Variants in WWOX observed in about 807,000 individuals in gnomAD.
WWOX encodes the protein WW domain containing oxidoreductase, also known as WW domain-containing oxidoreductase.
A neutral mutation model predicts 46.2 loss-of-function variants in WWOX; 69 were observed. The observed-to-expected ratio is 1.49, with a 90% CI of 1.23 to 1.82. The LOEUF is 1.82. Among genes scored for constraint, WWOX ranks in the 40% most tolerant of loss-of-function variants. The probability of loss-of-function intolerance (pLI) is 0.00; values close to 1 mark genes in which losing one functional copy is unlikely to be tolerated. For synonymous variants in WWOX, 359 were observed against 202.6 expected (o/e 1.77, Z -6.56); for missense variants, 919 against 542.6 (o/e 1.69, Z -6.89).
intron 8 of WWOX, among the ~76,000 whole-genome samples, chr16:78,668,575 C>G (rs1208815151): frequency 2.0e-5 from 3 of 152,006 alleles, no homozygotes; most frequent in Non-Finnish European, 4.4e-5. Context: ...ACAAAGTTAC[C>G]AAGAGAGGTA....
At chr16:79,158,869 A>G (rs2050431896) in intron 8 of WWOX, among the ~76,000 whole-genome samples, 1 of 152,220 alleles carries the variant, frequency 6.6e-6, no homozygotes, top group Admixed American at 6.5e-5. Context: ...GTTTGTGACA[A>G]CAAGGACCTA....
intron 8 of WWOX, among the ~76,000 whole-genome samples, chr16:78,906,389 A>G (rs2044965135): frequency 6.6e-6 from 1 of 152,100 alleles, no homozygotes; most frequent in Admixed American, 6.6e-5. Flanking sequence ...CCTGATAAGG[A>G]TTTCCTCTCC....
chr16:79,109,038 C>T (rs1019664362), intron 8 of WWOX, among the ~76,000 whole-genome samples: 6 of 152,042 alleles, frequency 3.9e-5, no homozygotes, highest in Admixed American at 3.9e-4. Context: ...AGATCATCAC[C>T]TGTGTGAGTG....
intron 8 of WWOX, among the ~76,000 whole-genome samples, chr16:78,990,952 G>T (rs77324963): frequency 6.6e-6 from 1 of 152,234 alleles, no homozygotes; most frequent in Non-Finnish European, 1.5e-5. Context: ...CCGACCTCCA[G>T]GGGAGCTTGT....
At chr16:79,117,085 G>C (rs983837457) in intron 8 of WWOX, among the ~76,000 whole-genome samples, 11 of 152,028 alleles carry the variant, frequency 7.2e-5, no homozygotes, top group Admixed American at 2.6e-4. Context: ...AGCCTGGTCT[G>C]GAATGCACTG....
intron 8 of WWOX, among the ~76,000 whole-genome samples, chr16:78,570,840 G>A (rs183493954): frequency 3.9e-5 from 6 of 152,268 alleles, no homozygotes; most frequent in East Asian, 1.9e-4. Context: ...GGGAGAAGGC[G>A]GGCGGGGCAA....
At chr16:79,185,523 T>C (rs2050996102) in intron 8 of WWOX, among the ~76,000 whole-genome samples, 1 of 152,102 alleles carries the variant, frequency 6.6e-6, no homozygotes, top group African/African-American at 2.4e-5. Context: ...CCAGCCAAGA[T>C]CCATTTGTCA....
chr16:78,312,366 G>C lies in WWOX; in HGVS notation c.517-74494G>C, dbSNP rs1597468229. Among the ~76,000 whole-genome samples, 5 of 138,424 alleles carry C rather than the reference G, an allele frequency of 3.6e-5. No homozygotes were observed. In the Admixed American group the frequency reaches 3.8e-4, roughly 10 times the overall value. 90.8% of individuals were successfully genotyped at this position (138,424 alleles called of 152,430 possible). A position where few individuals can be genotyped will look rare whatever the true frequency, so the allele number is the denominator to read the frequency against. On this transcript the variant is annotated intron_variant, in intron 5 of 8. Coordinates refer to ENST00000566780, the MANE Select transcript of WWOX (RefSeq NM_016373.4). Reference sequence around the variant, plus strand: ...TATTGCTAGTGAGTGGCCAGCTGGAGTTGTAGGTCTAATTCTTTTTTTTTT... The same window carrying C: ...TATTGCTAGTGAGTGGCCAGCTGGACTTGTAGGTCTAATTCTTTTTTTTTT...
chr16:78,763,149 C>T (rs1303587462), intron 8 of WWOX, among the ~76,000 whole-genome samples: 5 of 152,196 alleles, frequency 3.3e-5, no homozygotes, highest in African/African-American at 4.8e-5. Flanking sequence ...GTACTGAAAG[C>T]GTTACAGTCA....
chr16:78,410,931 G>C (rs531371120), intron 6 of WWOX, among the ~76,000 whole-genome samples: 4 of 151,978 alleles, frequency 2.6e-5, no homozygotes, highest in Non-Finnish European at 4.4e-5. Flanking sequence ...TAAACTGAAA[G>C]CTATAATTCC....
chr16:78,389,279 C>T (rs1218277429), intron 6 of WWOX, among the ~76,000 whole-genome samples: 1 of 152,196 alleles, frequency 6.6e-6, no homozygotes, highest in Non-Finnish European at 1.5e-5. Context: ...CTTCGTCATT[C>T]ATTTATCCAC....
chr16:78,507,251 A>G (rs8056971), intron 8 of WWOX, among the ~76,000 whole-genome samples: 9,011 of 152,312 alleles, frequency 0.059, 911 homozygotes, highest in African/African-American at 0.21. Context: ...ATAAACGTAA[A>G]TAAGAATTTT....
intron 8 of WWOX, among the ~76,000 whole-genome samples, chr16:78,703,266 T>G (rs1434806410): frequency 6.6e-6 from 1 of 152,190 alleles, no homozygotes; most frequent in African/African-American, 2.4e-5. Context: ...CCCATCTACC[T>G]TGTTTCTCTC....
At chr16:78,921,184 G>C (rs934601655) in intron 8 of WWOX, among the ~76,000 whole-genome samples, 3 of 152,138 alleles carry the variant, frequency 2.0e-5, no homozygotes, top group Non-Finnish European at 4.4e-5. Context: ...ACACTGTAAT[G>C]AGGGTATTCA....
chr16:78,368,580 A>G (rs2081593134), intron 5 of WWOX, among the ~76,000 whole-genome samples: 1 of 152,228 alleles, frequency 6.6e-6, no homozygotes, highest in Non-Finnish European at 1.5e-5. Flanking sequence ...GCTGCTGTTC[A>G]TAAATATTGA....
intron 8 of WWOX, among the ~76,000 whole-genome samples, chr16:79,095,899 C>T (rs758383560): frequency 7.6e-6 from 1 of 132,038 alleles, no homozygotes; most frequent in South Asian, 2.5e-4. Context: ...GAGTCTTGCT[C>T]TGTTGTTTAG....
intron 5 of WWOX, among the ~76,000 whole-genome samples, chr16:78,320,023 TATC>T (rs2080433923): frequency 6.6e-6 from 1 of 152,234 alleles, no homozygotes; most frequent in African/African-American, 2.4e-5. Flanking sequence ...TCTTAGCACT[TATC>T]ATGCTGTATG....
At chr16:79,199,766 C>T (rs928498137) in intron 8 of WWOX, among the ~76,000 whole-genome samples, 1 of 152,136 alleles carries the variant, frequency 6.6e-6, no homozygotes, top group African/African-American at 2.4e-5. Flanking sequence ...CTTGACAGTT[C>T]GAAGGTCAGC....
At chr16:78,229,912 C>G in intron 5 of WWOX, among the ~76,000 whole-genome samples, 1 of 151,992 alleles carries the variant, frequency 6.6e-6, no homozygotes, top group Non-Finnish European at 1.5e-5. Flanking sequence ...CAGGATCTCA[C>G]TCTGTCACCC....
Sources: allele counts gnomAD v4.1 joint callset (sites outside exome capture counted in the v4.1 genomes callset), GRCh38; gene constraint gnomAD v4.1.1; transcripts MANE v1.5; gene names NCBI Gene and HGNC (gene_info 2026-07-23, HGNC 2026-07-21).